The following TBC1D5 variants were observed in gnomAD, a reference collection of about 807,000 sequenced individuals.
TBC1D5 encodes TBC1 domain family, member 5.
Under a neutral mutation model 100.3 loss-of-function variants are expected in TBC1D5, and 75 were observed. That is an observed-to-expected ratio of 0.75 (90% CI 0.62 to 0.91). The LOEUF is 0.91. Ranked by LOEUF, TBC1D5 falls within the 40% of genes least tolerant of loss-of-function variation. The pLI, the probability that TBC1D5 is intolerant of heterozygous loss-of-function variation, is 0.00. For synonymous variants in TBC1D5, 323 were observed against 325.6 expected (o/e 0.99, Z 0.09); for missense variants, 910 against 942.4 (o/e 0.97, Z 0.45).
At chr3:17,699,387 C>T in intron 1 of TBC1D5, among the ~76,000 whole-genome samples, 1 of 107,204 alleles carries the variant, frequency 9.3e-6, no homozygotes. Flanking sequence ...ACTCTGGGGA[C>T]TGTTGTGGGG....
chr3:17,466,769 T>C (rs539164620), intron 3 of TBC1D5, among the ~76,000 whole-genome samples: 1 of 152,216 alleles, frequency 6.6e-6, no homozygotes, highest in East Asian at 1.9e-4. Context: ...AAAATTACTT[T>C]TTTTTTTAGT....
At chr3:17,482,658 A>G (rs1014751083) in intron 3 of TBC1D5, among the ~76,000 whole-genome samples, 1 of 152,266 alleles carries the variant, frequency 6.6e-6, no homozygotes, top group Admixed American at 6.5e-5. Context: ...AAACAAAATA[A>G]AAGAAGGCTT....
intron 16 of TBC1D5, among the ~76,000 whole-genome samples, chr3:17,245,812 T>C (rs1449652113): frequency 6.6e-6 from 1 of 152,242 alleles, no homozygotes; most frequent in Non-Finnish European, 1.5e-5. Flanking sequence ...AATTATTTAT[T>C]TGAACTATTT....
At chr3:17,685,945 A>G (rs780105743) in intron 1 of TBC1D5, among the ~76,000 whole-genome samples, 1 of 152,156 alleles carries the variant, frequency 6.6e-6, no homozygotes, top group African/African-American at 2.4e-5. Context: ...ATGTTTTACA[A>G]TTCTAAAAAT....
At chr3:17,436,790 T>A (rs551131419) in intron 3 of TBC1D5, among the ~76,000 whole-genome samples, 3 of 152,312 alleles carry the variant, frequency 2.0e-5, no homozygotes, top group Admixed American at 2.0e-4. Context: ...AACTAACATG[T>A]ATGATAGTAC....
chr3:17,604,614 G>C (rs1052965640), intron 2 of TBC1D5, among the ~76,000 whole-genome samples: 1 of 152,138 alleles, frequency 6.6e-6, no homozygotes. Flanking sequence ...ACGTAATTAA[G>C]ATTTGGTGCC....
intron 2 of TBC1D5, among the ~76,000 whole-genome samples, chr3:17,530,682 T>C (rs1055788510): frequency 2.0e-5 from 3 of 152,108 alleles, no homozygotes; most frequent in African/African-American, 4.8e-5. Flanking sequence ...GTTCAACACA[T>C]GAAAATCAAT....
chr3:17,624,622 C>T (rs1372998495), intron 1 of TBC1D5, among the ~76,000 whole-genome samples: 2 of 152,018 alleles, frequency 1.3e-5, no homozygotes, highest in Non-Finnish European at 2.9e-5. Context: ...TTACAAAAGG[C>T]TTTCTTTTAC....
intron 17 of TBC1D5, among the ~76,000 whole-genome samples, chr3:17,236,973 T>A (rs1173949948): frequency 6.6e-6 from 1 of 152,184 alleles, no homozygotes; most frequent in Non-Finnish European, 1.5e-5. Flanking sequence ...AACATTTGTA[T>A]CATTGGGAAA....
chr3:17,692,263 T>C (rs1295357151), intron 1 of TBC1D5, among the ~76,000 whole-genome samples: 7 of 152,132 alleles, frequency 4.6e-5, no homozygotes, highest in Non-Finnish European at 2.9e-5. Flanking sequence ...AGCTAATTTT[T>C]GTATTTTTAG....
rs34658453 is a variant in TBC1D5, at chr3:17,228,691, C to CTT, written c.1588+9470_1588+9471dup. ...TGAGCTACATCTGCAGAGAAGTTAT[C>CTT]TTTTTTTTTTTTTTTGTAAGTTGCA... On this transcript the variant is annotated intron_variant, in intron 17 of 21. Coordinates refer to ENST00000253692, the Ensembl canonical transcript of TBC1D5. Among the ~76,000 whole-genome samples, 650 of 143,892 alleles carry CTT rather than the reference C, an allele frequency of 4.5e-3. 5 individuals are homozygous for CTT. Among genetic ancestry groups the CTT allele is most frequent in the African/African-American group, 0.012 (486 of 39,432 alleles). The allele number at this position is 143,892 out of a possible 152,430, so 94.4% of individuals were successfully genotyped here.
chr3:17,740,891 A>T (rs1416576184), exon 1 of TBC1D5: 1 of 152,156 alleles, frequency 6.6e-6, no homozygotes, highest in Non-Finnish European at 1.5e-5. Context: ...AAATTCACAG[A>T]CCAGGTGATG....
intron 3 of TBC1D5, among the ~76,000 whole-genome samples, chr3:17,460,987 A>G (rs1279931140): frequency 6.6e-6 from 1 of 152,200 alleles, no homozygotes; most frequent in East Asian, 1.9e-4. Context: ...TGGCACGAAT[A>G]ATAAGATAAC....
chr3:17,654,054 T>TAA (rs1317321188), intron 1 of TBC1D5, among the ~76,000 whole-genome samples: 5 of 152,180 alleles, frequency 3.3e-5, no homozygotes, highest in African/African-American at 1.2e-4. Flanking sequence ...AATTAAATTT[T>TAA]AAAAATCAGG....
chr3:17,343,994 T>G (rs1575438114), intron 13 of TBC1D5, among the ~76,000 whole-genome samples: 2 of 152,214 alleles, frequency 1.3e-5, no homozygotes, highest in South Asian at 4.1e-4. Flanking sequence ...TTTAGTTATT[T>G]CTTGCCTTCT....
chr3:17,594,768 A>T (rs2060458236), intron 2 of TBC1D5, among the ~76,000 whole-genome samples: 2 of 152,252 alleles, frequency 1.3e-5, no homozygotes, highest in South Asian at 4.1e-4. Flanking sequence ...TGTAATTATG[A>T]CCTTATTATC....
At chr3:17,609,547 T>C (rs1222569733) in intron 2 of TBC1D5, among the ~76,000 whole-genome samples, 8 of 152,188 alleles carry the variant, frequency 5.3e-5, no homozygotes, top group Non-Finnish European at 5.9e-5. Flanking sequence ...TATGAACACA[T>C]AGGGGTTCTC....
intron 2 of TBC1D5, among the ~76,000 whole-genome samples, chr3:17,543,554 A>AT (rs1298676582): frequency 6.6e-6 from 1 of 152,002 alleles, no homozygotes; most frequent in African/African-American, 2.4e-5. Context: ...GGGAGGACTG[A>AT]TTGAGCCCAG....
At chr3:17,163,813 T>A (rs577280007) in intron 21 of TBC1D5, among the ~76,000 whole-genome samples, 13 of 152,376 alleles carry the variant, frequency 8.5e-5, no homozygotes, top group Middle Eastern at 6.8e-3. Flanking sequence ...ACTGAGGAAC[T>A]GAATTTTTAA....
Sources: allele counts gnomAD v4.1 joint callset (sites outside exome capture counted in the v4.1 genomes callset), GRCh38; gene constraint gnomAD v4.1.1; transcripts MANE v1.5; gene names NCBI Gene and HGNC (gene_info 2026-07-23, HGNC 2026-07-21).